The following ABCA10 variants were observed in gnomAD, a reference collection of about 807,000 sequenced individuals.
ABCA10 encodes ATP binding cassette subfamily A member 10.
Under a neutral mutation model 187.5 loss-of-function variants are expected in ABCA10, and 169 were observed. The ratio of observed to expected loss-of-function variants is 0.90; its 90% CI spans 0.80 to 1.02. The LOEUF (loss-of-function observed/expected upper bound fraction) is 1.02, where lower values mean the gene tolerates loss of function less well. Ranked by LOEUF, ABCA10 falls within the 50% of genes least tolerant of loss-of-function variation. ABCA10 has a pLI of 0.00. For synonymous variants in ABCA10, 574 were observed against 601.8 expected (o/e 0.95, Z 0.68); for missense variants, 1,727 against 1,812.4 (o/e 0.95, Z 0.86).
In ABCA10 at chr17:69,222,636, G is replaced by T. The variant is rs768609670; in HGVS notation, c.96C>A (p.Tyr32Ter). The T allele has an allele frequency of 6.2e-7, 1 of 1,600,344 alleles. No individual in the cohort carries two copies. Among genetic ancestry groups the T allele is most frequent in the Non-Finnish European group, 8.5e-7 (1 of 1,176,766 alleles). The change falls in exon 4 of 39, where the codon TAC becomes TAA. Residue 32 changes from tyrosine to a stop codon, truncating the protein, a stop_gained. Coordinates refer to ENST00000690296, the MANE Select transcript of ABCA10 (RefSeq NM_001377321.1). LOFTEE classifies it high-confidence loss of function. The stretch of plus-strand genomic sequence containing the variant: ...TAAATATAACTCCCACCATTTCATG[G>T]TATTTTTTTGGAAGTTCTATATCCA... ...ETMDIELPKK[Y>*]HEMVGVIFSD...
At chr17:69,177,375 G>A (rs919135155) in intron 22 of ABCA10, among the ~76,000 whole-genome samples, 2 of 152,024 alleles carry the variant, frequency 1.3e-5, no homozygotes, top group African/African-American at 4.8e-5. Flanking sequence ...CTTCCTGTAT[G>A]CTGGTCCAGA....
intron 8 of ABCA10, 83 bp from the exon 9 acceptor site, chr17:69,214,934 TAG>T: frequency 1.1e-6 from 1 of 912,496 alleles, no homozygotes; most frequent in African/African-American, 1.8e-5. Context: ...TAGTGGTACC[TAG>T]AGATATGTAA....
intron 22 of ABCA10, among the ~76,000 whole-genome samples, chr17:69,179,952 T>C (rs1227225568): frequency 3.9e-5 from 6 of 152,192 alleles, no homozygotes; most frequent in Non-Finnish European, 8.8e-5. Flanking sequence ...CTTTAAATCA[T>C]ATTACTTAAA....
chr17:69,210,456 T>A (rs1287193518), intron 9 of ABCA10, among the ~76,000 whole-genome samples: 3 of 151,910 alleles, frequency 2.0e-5, no homozygotes, highest in Non-Finnish European at 4.4e-5. Context: ...CCCAAAGTGC[T>A]GGGATTACAG....
chr17:69,196,917 G>C (rs1043275077), intron 11 of ABCA10, 147 bp downstream of exon 11: 5 of 597,992 alleles, frequency 8.4e-6, no homozygotes, highest in African/African-American at 7.5e-5. Flanking sequence ...GCAGGCACTC[G>C]GCAGGAGAAT....
intron 14 of ABCA10, 26 bp downstream of exon 14, chr17:69,193,467 T>C (rs1056527180): frequency 4.4e-6 from 7 of 1,596,732 alleles, no homozygotes; most frequent in African/African-American, 1.4e-5. Flanking sequence ...TCTAAATTAA[T>C]TGTAAAAATA....
chr17:69,193,997 T>C lies in ABCA10; in HGVS notation c.1346-8A>G. ...TATAAATAGTGGCTGATCCTATAAA[T>C]AGAAATTTAAAAGGCTTTACTGCCA... is the stretch of plus-strand genomic sequence containing the variant. On this transcript the variant is annotated splice_region_variant and splice_polypyrimidine_tract_variant and intron_variant, in intron 12 of 38. Coordinates refer to ENST00000690296, the MANE Select transcript of ABCA10 (RefSeq NM_001377321.1). 1 of 1,574,768 alleles carries C rather than the reference T, an allele frequency of 6.4e-7. No homozygotes were observed. Among genetic ancestry groups the C allele is most frequent in the Non-Finnish European group, 8.6e-7 (1 of 1,156,664 alleles).
chr17:69,226,756 C>A (rs749429312), intron 2 of ABCA10, among the ~76,000 whole-genome samples: 1 of 151,882 alleles, frequency 6.6e-6, no homozygotes, highest in Non-Finnish European at 1.5e-5. Context: ...GGTTTGCCCA[C>A]GTAAAAATCT....
chr17:69,201,497 T>C lies in ABCA10; in HGVS notation c.1175+3A>G. 6.4e-7 allele frequency: 1 copy of C among 1,565,948 alleles called. No homozygotes were observed. Among genetic ancestry groups the C allele is most frequent in the Non-Finnish European group, 8.6e-7 (1 of 1,162,380 alleles). On this transcript the variant is annotated splice_donor_region_variant and intron_variant, in intron 10 of 38. Transcript: ENST00000690296. ...GTACATAGTCATGTAATTTCTTAGT[T>C]ACCTTATGGCTTCTTTTCCATGGAA...
At chr17:69,168,151 G>A (rs1160813933) in intron 25 of ABCA10, among the ~76,000 whole-genome samples, 3 of 151,906 alleles carry the variant, frequency 2.0e-5, no homozygotes, top group East Asian at 1.9e-4. Flanking sequence ...TGAGAATACA[G>A]TATATAATAT....
At chr17:69,192,839 C>T (rs1284095021) in intron 15 of ABCA10, among the ~76,000 whole-genome samples, 186 bp from the exon 16 acceptor site, 1 of 152,174 alleles carries the variant, frequency 6.6e-6, no homozygotes, top group African/African-American at 2.4e-5. Flanking sequence ...CTCAGAAATT[C>T]ACTGCATTCC....
At position 69,148,864 on chromosome 17, in the gene ABCA10, G is replaced by A; in HGVS notation, c.4595C>T (p.Thr1532Ile). ...CTGTGGGAGAAGTTTCCATTCAACT[G>A]TTGTATCAATTTTATCATCAACATT... ...LGNVDDKIDT[T>I]VEWKLLPQED... Residue 1532 changes from threonine to isoleucine, a missense_variant, in exon 39 of 39, where the codon ACA (threonine) becomes ATA (isoleucine). Coordinates refer to ENST00000690296, the MANE Select transcript of ABCA10 (RefSeq NM_001377321.1). 4 of 1,613,376 alleles carry A rather than the reference G, an allele frequency of 2.5e-6. No homozygotes were observed. Among genetic ancestry groups the A allele is most frequent in the South Asian group, 1.1e-5 (1 of 91,048 alleles).
intron 22 of ABCA10, among the ~76,000 whole-genome samples, chr17:69,181,707 C>G (rs1436571281): frequency 6.6e-6 from 1 of 151,840 alleles, no homozygotes; most frequent in Middle Eastern, 3.2e-3. Context: ...GATTCTTGAT[C>G]TTTCAGAATA....
rs376207962 is a variant in ABCA10 at position 69,155,893 on chromosome 17, T to C, written c.3488A>G (p.Asn1163Ser). Residue 1163 changes from asparagine to serine, a missense_variant, in exon 29 of 39, where the codon AAT (asparagine) becomes AGT (serine). Transcript: ENST00000690296. ...ATCTTCTTCTTCGGGCTCTTCCGGA[T>C]TGGGATGAGTTTCTCTACTCCGTGG... ...ISPRSRETHP[N>S]PEEPEEEDED... is the part of the protein sequence containing the mutation. 2 of 1,613,718 alleles carry C rather than the reference T, an allele frequency of 1.2e-6. No individual in the cohort carries two copies. The highest frequency in any genetic ancestry group is 2.2e-5 in the South Asian group (2 of 91,076).
intron 2 of ABCA10, among the ~76,000 whole-genome samples, chr17:69,226,686 T>C (rs935094865): frequency 6.6e-6 from 1 of 151,982 alleles, no homozygotes; most frequent in African/African-American, 2.4e-5. Flanking sequence ...TACTCATAGA[T>C]ATTTTCCCAG....
intron 9 of ABCA10, among the ~76,000 whole-genome samples, chr17:69,207,538 T>C (rs552735179): frequency 6.6e-6 from 1 of 152,094 alleles, no homozygotes; most frequent in Non-Finnish European, 1.5e-5. Flanking sequence ...GAGATAGATA[T>C]ATATATATAT....
At chr17:69,239,137 A>C (rs2074889221) in intron 1 of ABCA10, among the ~76,000 whole-genome samples, 1 of 152,070 alleles carries the variant, frequency 6.6e-6, no homozygotes, top group Non-Finnish European at 1.5e-5. Flanking sequence ...TAAAAAGGAG[A>C]GTGGGAGTAG....
At chr17:69,191,382 G>A in intron 16 of ABCA10, 67 bp from the exon 17 acceptor site, 1 of 1,392,156 alleles carries the variant, frequency 7.2e-7, no homozygotes, top group Non-Finnish European at 9.4e-7. Context: ...TGAAAAGATA[G>A]TTTTCTATTA....
intron 3 of ABCA10, chr17:69,223,794 G>C: frequency 3.1e-6 from 1 of 322,742 alleles, no homozygotes; most frequent in Non-Finnish European, 6.1e-6. Context: ...GAATAAGACA[G>C]TGAGAGAGGA....
Sources: gnomAD v4.1 joint callset for allele counts (sites outside exome capture counted in the v4.1 genomes callset) on GRCh38, gnomAD v4.1.1 for gene constraint, MANE v1.5 for transcripts, NCBI Gene and HGNC (gene_info 2026-07-23, HGNC 2026-07-21) for gene names.